Variants in HDAC9 observed in about 807,000 individuals in gnomAD.
HDAC9 encodes the protein histone deacetylase 9, also known as MEF-2 interacting transcription repressor (MITR) protein.
In HDAC9, 41 loss-of-function variants were observed where a neutral mutation model predicts 139.4. That is an observed-to-expected ratio of 0.29 (90% CI 0.23 to 0.38). The LOEUF (loss-of-function observed/expected upper bound fraction) is 0.38. Ranked by LOEUF, HDAC9 falls within the 10% of genes least tolerant of loss-of-function variation. HDAC9 has a pLI of 1.00. For synonymous variants in HDAC9, 517 were observed against 476.2 expected, an observed-to-expected ratio of 1.09 and a Z score of -1.12; for missense variants, 1,147 against 1,297.0, an observed-to-expected ratio of 0.88 and a Z score of 1.78.
At chr7:18,620,561 T>C (rs868013194) in intron 6 of HDAC9, among the ~76,000 whole-genome samples, 4 of 151,798 alleles carry the variant, frequency 2.6e-5, no homozygotes, top group Admixed American at 2.6e-4. Context: ...AATAGCAAAT[T>C]TGTACATTCA....
At chr7:18,683,837 G>A (rs1167836235) in intron 12 of HDAC9, among the ~76,000 whole-genome samples, 1 of 151,954 alleles carries the variant, frequency 6.6e-6, no homozygotes, top group African/African-American at 2.4e-5. Flanking sequence ...TAATTTCTAT[G>A]ATATGCTTCC....
chr7:18,937,537 G>A (rs1003391926), intron 23 of HDAC9, among the ~76,000 whole-genome samples: 1 of 152,122 alleles, frequency 6.6e-6, no homozygotes, highest in Non-Finnish European at 1.5e-5. Context: ...GTAAGGGAGT[G>A]CAAGAAATAA....
chr7:18,551,404 C>T lies in HDAC9; in HGVS notation c.23-33877C>T, dbSNP rs925834780. On this transcript the variant is annotated intron_variant, in intron 2 of 25. Coordinates refer to ENST00000686413, the MANE Select transcript of HDAC9 (RefSeq NM_178425.4). ...TTATCATGAGATTAGATGAGGTTACCGAGGAAGTGACTATAGGTGGAGAAG... is the reference window on the plus strand; with the variant it reads ...TTATCATGAGATTAGATGAGGTTACTGAGGAAGTGACTATAGGTGGAGAAG... Among the ~76,000 whole-genome samples, 9 of 152,000 alleles carry T rather than the reference C, an allele frequency of 5.9e-5. No individual in the cohort carries two copies. The South Asian group carries it at 1.5e-3, about 25-fold the overall frequency.
intron 22 of HDAC9, among the ~76,000 whole-genome samples, chr7:18,877,981 G>A (rs1211472892): frequency 6.6e-6 from 1 of 152,120 alleles, no homozygotes; most frequent in African/African-American, 2.4e-5. Context: ...AACCCGAAAT[G>A]ACTAAATAGC....
At chr7:18,637,241 G>C (rs1262430614) in intron 8 of HDAC9, among the ~76,000 whole-genome samples, 2 of 152,044 alleles carry the variant, frequency 1.3e-5, no homozygotes, top group African/African-American at 4.8e-5. Context: ...GGGAAAACAT[G>C]ATTTGATAGT....
intron 1 of HDAC9, among the ~76,000 whole-genome samples, chr7:18,369,885 A>G (rs1344636526): frequency 6.6e-6 from 1 of 152,104 alleles, no homozygotes; most frequent in Non-Finnish European, 1.5e-5. Context: ...TTTATAGAGA[A>G]TCTTTAAATT....
In HDAC9 at chr7:18,476,914, C is replaced by T. The variant is rs147942577; in HGVS notation, c.-41-19348C>T. Among the ~76,000 whole-genome samples, 902 of 152,264 alleles carry T rather than the reference C, an allele frequency of 5.9e-3. 11 individuals are homozygous for T. Among genetic ancestry groups the T allele is most frequent in the African/African-American group, 0.021 (856 of 41,534 alleles). Reference sequence around the variant, plus strand: ...AAAGTTCTGCTTTTTAAGTTTGCCCCCTGGAGGTCTCATGTTCCATGCCAA... The same window carrying T: ...AAAGTTCTGCTTTTTAAGTTTGCCCTCTGGAGGTCTCATGTTCCATGCCAA... On this transcript the variant is annotated intron_variant, in intron 1 of 3. Transcript: ENST00000413509.
intron 17 of HDAC9, among the ~76,000 whole-genome samples, chr7:18,813,856 T>G (rs1036581838): frequency 1.3e-5 from 2 of 152,194 alleles, no homozygotes; most frequent in Non-Finnish European, 2.9e-5. Context: ...GATTTTTTGT[T>G]CAGGTACCAA....
At chr7:18,654,755 CG>C (rs1209248679) in intron 11 of HDAC9, among the ~76,000 whole-genome samples, 1 of 152,006 alleles carries the variant, frequency 6.6e-6, no homozygotes, top group Non-Finnish European at 1.5e-5. Flanking sequence ...TCTTTTGCAC[CG>C]GTTTAGATTT....
At chr7:18,588,300 A>G (rs113171562) in intron 3 of HDAC9, among the ~76,000 whole-genome samples, 2 of 152,318 alleles carry the variant, frequency 1.3e-5, no homozygotes, top group African/African-American at 4.8e-5. Flanking sequence ...ATTAGTATTG[A>G]AAGTTACAAA....
intron 25 of HDAC9, among the ~76,000 whole-genome samples, chr7:18,983,943 C>G (rs1003067910): frequency 1.3e-5 from 2 of 152,164 alleles, no homozygotes; most frequent in African/African-American, 4.8e-5. Context: ...TTGGCCTTCC[C>G]ATTCTTTTCA....
rs180886160 is a variant in HDAC9 at position 18,546,088 on chromosome 7, C to T, written c.23-39193C>T. ...ATGTGAACGGGAGTAATTTGAATATCTCCTAAATTTTTGGCTGCTTTTCTT... is the reference window on the plus strand; with the variant it reads ...ATGTGAACGGGAGTAATTTGAATATTTCCTAAATTTTTGGCTGCTTTTCTT... On this transcript the variant is annotated intron_variant, in intron 2 of 25. Transcript: ENST00000686413. Among the ~76,000 whole-genome samples the T allele has an allele frequency of 5.9e-5, 9 of 152,262 alleles. No homozygotes were observed. The East Asian group carries it at 1.3e-3, about 23-fold the overall frequency.
chr7:18,748,468 C>G (rs1788169551), intron 13 of HDAC9, among the ~76,000 whole-genome samples: 1 of 152,114 alleles, frequency 6.6e-6, no homozygotes, highest in Non-Finnish European at 1.5e-5. Context: ...AACAAAGAAA[C>G]TGTTTTTGAA....
intron 12 of HDAC9, chr7:18,668,595 A>G: frequency 1.0e-6 from 1 of 982,044 alleles, no homozygotes; most frequent in Non-Finnish European, 1.2e-6. Context: ...GTGGACGTTA[A>G]TTGTTTGAAT....
chr7:18,536,863 T>C (rs942714890), intron 2 of HDAC9, among the ~76,000 whole-genome samples: 5 of 152,190 alleles, frequency 3.3e-5, no homozygotes, highest in South Asian at 2.1e-4. Flanking sequence ...TACTACTCTT[T>C]TGGAAGATAG....
rs1376890862 is a variant in HDAC9 at position 18,874,551 on chromosome 7, G to C, written c.2758G>C (p.Glu920Gln). 1 of 1,595,724 alleles carries C rather than the reference G, an allele frequency of 6.3e-7. No individual in the cohort carries two copies. The highest frequency in any genetic ancestry group is 8.5e-7 in the Non-Finnish European group (1 of 1,170,174). Reference sequence around the variant, plus strand: ...AGTATCTGCTGGATTTGATGCATTGGAAGGCCACACCCCTCCTCTAGGAGG... The same window carrying C: ...AGTATCTGCTGGATTTGATGCATTGCAAGGCCACACCCCTCCTCTAGGAGG... ...VLVSAGFDAL[E>Q]GHTPPLGGYK... is the part of the protein sequence containing the mutation. Residue 920 changes from glutamate to glutamine, a missense_variant, in exon 22 of 26, where the codon GAA becomes CAA. Physicochemically the swap from Glu to Gln is conservative, Grantham distance 29. This residue lies in a region of HDAC9 where 407 missense variants were observed against 521.5 expected (regional missense o/e 0.78). Transcript: ENST00000686413.
At chr7:18,562,118 A>G (rs562536293) in intron 2 of HDAC9, among the ~76,000 whole-genome samples, 7 of 152,132 alleles carry the variant, frequency 4.6e-5, no homozygotes, top group Non-Finnish European at 1.0e-4. Flanking sequence ...CTTATTGGCT[A>G]TTTGTATATC....
At chr7:18,375,883 G>C (rs1784960450) in intron 1 of HDAC9, among the ~76,000 whole-genome samples, 1 of 152,164 alleles carries the variant, frequency 6.6e-6, no homozygotes, top group Admixed American at 6.5e-5. Flanking sequence ...TGCTAATTCA[G>C]ATGTCATTTT....
At chr7:18,415,605 A>G (rs575831631) in intron 1 of HDAC9, among the ~76,000 whole-genome samples, 279 of 152,354 alleles carry the variant, frequency 1.8e-3, no homozygotes, top group Non-Finnish European at 3.2e-3. Context: ...TGCTCAAAGA[A>G]TGATGATTTC....
Sources: gnomAD v4.1 joint callset for allele counts (sites outside exome capture counted in the v4.1 genomes callset) on GRCh38, gnomAD v4.1.1 for gene constraint, gnomAD v4.1.1 regional missense constraint, MANE v1.5 for transcripts, NCBI Gene and HGNC (gene_info 2026-07-23, HGNC 2026-07-21) for gene names.